The following PCDH19 variants were observed in gnomAD, a reference collection of about 807,000 sequenced individuals.
The protein encoded by PCDH19 is protocadherin 19, also known as protocadherin-19.
In PCDH19, 6 loss-of-function variants were observed where a neutral mutation model predicts 46.2. That is an observed-to-expected ratio of 0.13 (90% CI 0.07 to 0.26). PCDH19 has a LOEUF of 0.26. Ranked by LOEUF, PCDH19 falls within the 10% of genes least tolerant of loss-of-function variation. PCDH19 has a pLI of 1.00. For synonymous variants in PCDH19, 481 were observed against 415.7 expected (o/e 1.16, Z -1.91); for missense variants, 740 against 972.3 (o/e 0.76, Z 3.18).
At chrX:100,351,674 C>G (rs1926575199) in intron 3 of PCDH19, among the ~76,000 whole-genome samples, 1 of 112,309 alleles carries the variant, frequency 8.9e-6, no homozygotes, top group Non-Finnish European at 1.9e-5. Context: ...CTCCACTGTT[C>G]CCACCATTCC....
At chrX:100,332,938 G>C (rs1250525058) in intron 5 of PCDH19, among the ~76,000 whole-genome samples, 6 of 107,904 alleles carry the variant, frequency 5.6e-5, no homozygotes, top group Non-Finnish European at 1.1e-4. Flanking sequence ...GGAGGTCAAG[G>C]CTGCAGTGAG....
chrX:100,383,756 A>T (rs1190376551), intron 3 of PCDH19, among the ~76,000 whole-genome samples: 1 of 112,366 alleles, frequency 8.9e-6, no homozygotes, highest in Non-Finnish European at 1.9e-5. Flanking sequence ...AACAATAAAC[A>T]GAAAAATTGA....
At chrX:100,396,622 T>C (rs1174017575) in intron 3 of PCDH19, among the ~76,000 whole-genome samples, 1 of 111,866 alleles carries the variant, frequency 8.9e-6, no homozygotes, top group Non-Finnish European at 1.9e-5. Context: ...CGATAAGGAA[T>C]GATAATAATA....
chrX:100,325,297 A>G (rs1925656364), intron 5 of PCDH19, among the ~76,000 whole-genome samples: 3 of 110,801 alleles, frequency 2.7e-5, no homozygotes, highest in Non-Finnish European at 5.7e-5. Flanking sequence ...ATGAACAAAC[A>G]ATAGAATGAA....
In PCDH19 at chrX:100,407,056, G is replaced by A; in HGVS notation, c.1542C>T (p.Asp514=). The part of the protein sequence containing the change: ...TYVSINPNSG[D]IYALRSFNHE... ...GGTTAAAGGATCGCAGCGCGTAGAT[G>A]TCGCCTGAGTTGGGATTGATGGAGA... is the stretch of plus-strand genomic sequence containing the variant. Residue 514 remains aspartate, a synonymous_variant, in exon 1 of 6, where the codon GAC becomes GAT. Transcript: ENST00000373034. 8.3e-7 allele frequency: 1 copy of A among 1,211,655 alleles called. No homozygotes were observed. Among genetic ancestry groups the A allele is most frequent in the Non-Finnish European group, 1.1e-6 (1 of 895,384 alleles).
intron 1 of PCDH19, 39 bp downstream of exon 1, chrX:100,406,412 C>T (rs1195717279): frequency 9.7e-7 from 1 of 1,030,677 alleles, no homozygotes; most frequent in Non-Finnish European, 1.3e-6. Context: ...ATAAACACAC[C>T]TTATTCATCC....
At chrX:100,396,753 G>A (rs1366446922) in intron 3 of PCDH19, among the ~76,000 whole-genome samples, 3 of 112,105 alleles carry the variant, frequency 2.7e-5, no homozygotes, top group Non-Finnish European at 3.8e-5. Context: ...CTGGGAAACC[G>A]GCTGTCTCAG....
chrX:100,384,697 A>G (rs897246352), intron 3 of PCDH19, among the ~76,000 whole-genome samples: 6 of 111,525 alleles, frequency 5.4e-5, no homozygotes, highest in Admixed American at 3.8e-4. Context: ...CATTGTTGCT[A>G]TTTCATGTAA....
At chrX:100,381,080 CT>C (rs2147516663) in intron 3 of PCDH19, among the ~76,000 whole-genome samples, 1 of 112,091 alleles carries the variant, frequency 8.9e-6, no homozygotes, top group East Asian at 2.8e-4. Flanking sequence ...TTTTTGTCCA[CT>C]TTGAAATATT....
At chrX:100,388,732 G>T (rs1927783064) in intron 3 of PCDH19, among the ~76,000 whole-genome samples, 1 of 105,877 alleles carries the variant, frequency 9.4e-6, no homozygotes, top group South Asian at 4.0e-4. Flanking sequence ...TGCCATCACT[G>T]TTTTTTTTTT....
chrX:100,318,489 T>C (rs1267943036), intron 5 of PCDH19, among the ~76,000 whole-genome samples: 1 of 112,384 alleles, frequency 8.9e-6, no homozygotes, highest in East Asian at 2.8e-4. Flanking sequence ...ATAAAGGAAC[T>C]GATGCTGGGG....
At chrX:100,374,766 C>T (rs923665421) in intron 3 of PCDH19, among the ~76,000 whole-genome samples, 4 of 110,571 alleles carry the variant, frequency 3.6e-5, no homozygotes, top group Admixed American at 1.9e-4. Context: ...AGTGAAACCC[C>T]GTCTCTACTA....
intron 3 of PCDH19, among the ~76,000 whole-genome samples, chrX:100,366,715 A>G (rs1356817808): frequency 8.9e-6 from 1 of 112,773 alleles, no homozygotes; most frequent in East Asian, 2.8e-4. Context: ...AACAATAAGT[A>G]TGTTAATTGC....
intron 5 of PCDH19, 84 bp from the exon 6 acceptor site, chrX:100,296,959 T>A: frequency 2.6e-5 from 23 of 897,641 alleles, no homozygotes; most frequent in Non-Finnish European, 3.7e-5. Context: ...TTCTTAGATA[T>A]CCACAGGCCC....
At chrX:100,393,703 C>T (rs1927936198) in intron 3 of PCDH19, among the ~76,000 whole-genome samples, 1 of 111,639 alleles carries the variant, frequency 9.0e-6, no homozygotes. Context: ...AGGCAGAGAC[C>T]GCCAAGGCCA....
At position 100,371,601 on chromosome X, in the gene PCDH19, T is replaced by C. The variant is rs1927226302; in HGVS notation, c.2617-20897A>G. Reference sequence around the variant, plus strand: ...CCACCCTATTTAAATTTGCAAATTTTCTCCAAAACTCATTATCTTCCTTTT... The same window carrying C: ...CCACCCTATTTAAATTTGCAAATTTCCTCCAAAACTCATTATCTTCCTTTT... On this transcript the variant is annotated intron_variant, in intron 3 of 5. Transcript: ENST00000373034. 1.8e-5 allele frequency among the ~76,000 whole-genome samples: 2 copies of C among 111,235 alleles called. 1 individual carries two copies. Among genetic ancestry groups the C allele is most frequent in the East Asian group, 5.6e-4 (2 of 3,540 alleles).
rs1926135007 is a variant in PCDH19 at position 100,337,939 on chromosome X, A to G, written c.2848+3964T>C. ...AAACATGTAAAATTATGATGTGTCAATTATAAACAAAATAAAAAATAAATT... is the reference window on the plus strand; with the variant it reads ...AAACATGTAAAATTATGATGTGTCAGTTATAAACAAAATAAAAAATAAATT... On this transcript the variant is annotated intron_variant, in intron 5 of 5. Transcript: ENST00000373034. Among the ~76,000 whole-genome samples the G allele has an allele frequency of 6.2e-5, 7 of 112,214 alleles. No homozygotes were observed. In the South Asian group the frequency reaches 1.9e-3, roughly 30 times the overall value.
At chrX:100,368,578 T>C (rs1927134706) in intron 3 of PCDH19, among the ~76,000 whole-genome samples, 1 of 111,745 alleles carries the variant, frequency 8.9e-6, no homozygotes, top group Admixed American at 9.6e-5. Flanking sequence ...TGGGTCACCT[T>C]TCTCCCTTCC....
intron 3 of PCDH19, among the ~76,000 whole-genome samples, chrX:100,363,856 C>CATGTAT (rs57620335): frequency 2.2e-5 from 2 of 88,992 alleles, no homozygotes; most frequent in Non-Finnish European, 4.3e-5. Flanking sequence ...AATGTGCGTG[C>CATGTAT]GTGTGTGTGT....
Sources: allele counts gnomAD v4.1 joint callset (sites outside exome capture counted in the v4.1 genomes callset), GRCh38; gene constraint gnomAD v4.1.1; transcripts MANE v1.5; gene names NCBI Gene and HGNC (gene_info 2026-07-23, HGNC 2026-07-21).